ACKR5: variants seen among roughly 807,000 people sequenced by gnomAD.
The protein encoded by ACKR5 is atypical chemokine receptor 5, also known as G protein-coupled receptor 182.
the ACKR5 span, chr12:56,995,144 A>G: frequency 6.8e-7 from 1 of 1,472,552 alleles, no homozygotes; most frequent in Non-Finnish European, 9.3e-7. This position sits in a 1 kb window ranked among gnomAD's most constrained non-coding sequence, Gnocchi z 4.7. Context: ...TTGAGGACAC[A>G]AGGCTCTCGA....
chr12:56,995,325 C>T, the ACKR5 span: 1 of 1,614,252 alleles, frequency 6.2e-7, no homozygotes, highest in African/African-American at 1.3e-5. This position sits in a 1 kb window ranked among gnomAD's most constrained non-coding sequence, Gnocchi z 4.7. Context: ...TTCAACCACA[C>T]TTTGTCTGAG....
At chr12:56,996,771 C>A in the ACKR5 span, 1 of 229,384 alleles carries the variant, frequency 4.4e-6, no homozygotes, top group Non-Finnish European at 8.5e-6. Context: ...GGAAACTAGA[C>A]ACATTCATTT....
the ACKR5 span, chr12:56,997,372 G>C: frequency 6.6e-6 from 1 of 152,232 alleles, no homozygotes; most frequent in South Asian, 2.1e-4. Context: ...CTCTGTCCCC[G>C]GCACCAGATG....
the ACKR5 span, chr12:56,995,900 T>C: frequency 6.2e-7 from 1 of 1,612,552 alleles, no homozygotes; most frequent in Non-Finnish European, 8.5e-7. The surrounding 1 kb of genome is among the most constrained non-coding windows in gnomAD (Gnocchi z 4.7). Context: ...CCTGCTGCCC[T>C]TCCCTCTCAT....
At chr12:56,997,228 C>T in the ACKR5 span, 5 of 152,474 alleles carry the variant, frequency 3.3e-5, no homozygotes, top group East Asian at 9.6e-4. Context: ...TAGGGAGACA[C>T]AGAGCTACCA....
chr12:56,998,658 C>T, the ACKR5 span, among the ~76,000 whole-genome samples: 3 of 152,290 alleles, frequency 2.0e-5, no homozygotes, highest in East Asian at 3.9e-4. Flanking sequence ...TAATTTCCCA[C>T]TAAAAACAGG....
the ACKR5 span, chr12:56,996,741 C>A: frequency 1.0e-5 from 3 of 300,536 alleles, no homozygotes; most frequent in East Asian, 6.3e-5. Flanking sequence ...GGAGCTGAGG[C>A]TAAAGAGGTG....
At chr12:56,998,044 C>T in the ACKR5 span, 1 of 152,198 alleles carries the variant, frequency 6.6e-6, no homozygotes, top group Non-Finnish European at 1.5e-5. Flanking sequence ...CCTATCAATG[C>T]AGAATTCACA....
chr12:56,998,077 G>A, the ACKR5 span: 1 of 152,198 alleles, frequency 6.6e-6, no homozygotes, highest in Admixed American at 6.5e-5. Context: ...TTCCTCTCTT[G>A]TCCCAACACA....
chr12:56,995,377 C>T, the ACKR5 span: 2 of 1,614,254 alleles, frequency 1.2e-6, no homozygotes, highest in Non-Finnish European at 1.7e-6. The surrounding 1 kb of genome is among the most constrained non-coding windows in gnomAD (Gnocchi z 4.7). Context: ...GCGTGGTCCT[C>T]TTTGCCCTCT....
chr12:56,997,739 T>C, the ACKR5 span: 2 of 152,260 alleles, frequency 1.3e-5, no homozygotes, highest in Non-Finnish European at 2.9e-5. Flanking sequence ...TCCTCTGTCC[T>C]GCTTAAGTGC....
chr12:56,996,291 T>G, the ACKR5 span: 1 of 1,614,088 alleles, frequency 6.2e-7, no homozygotes, highest in Non-Finnish European at 8.5e-7. Context: ...CAGCATTCCA[T>G]CATCATCACC....
the ACKR5 span, chr12:56,994,644 C>G: frequency 6.4e-6 from 1 of 155,040 alleles, no homozygotes; most frequent in African/African-American, 2.4e-5. Context: ...CCAAGGGAAA[C>G]TCAGGTGAGT....
At chr12:56,995,512 C>T in the ACKR5 span, 1 of 1,614,126 alleles carries the variant, frequency 6.2e-7, no homozygotes, top group Non-Finnish European at 8.5e-7. The surrounding 1 kb of genome is among the most constrained non-coding windows in gnomAD (Gnocchi z 4.7). Context: ...CGGACCTGGG[C>T]ATTGTCCTGT....
the ACKR5 span, chr12:56,996,525 G>A: frequency 1.9e-6 from 2 of 1,055,948 alleles, no homozygotes; most frequent in Non-Finnish European, 2.7e-6. Context: ...AGCACTCGTG[G>A]TCAATTTTGA....
chr12:56,996,040 C>T, the ACKR5 span: 9 of 1,610,996 alleles, frequency 5.6e-6, no homozygotes, highest in Non-Finnish European at 7.6e-6. Flanking sequence ...ATCATGTGAC[C>T]CTGCTGCTGC....
chr12:56,997,593 C>A, the ACKR5 span: 1 of 152,172 alleles, frequency 6.6e-6, no homozygotes, highest in African/African-American at 2.4e-5. Flanking sequence ...AGACTAGGAC[C>A]CTGTCCATGA....
chr12:56,995,467 G>A, the ACKR5 span: 3 of 1,614,198 alleles, frequency 1.9e-6, no homozygotes, highest in Non-Finnish European at 2.5e-6. The surrounding 1 kb of genome is among the most constrained non-coding windows in gnomAD (Gnocchi z 4.7). Context: ...GCCGGGCAGG[G>A]CTGATGAACC....
the ACKR5 span, chr12:56,996,795 G>C: frequency 5.6e-5 from 11 of 195,806 alleles, no homozygotes; most frequent in East Asian, 1.4e-4. Context: ...AAATCACTCT[G>C]GCTGGAAACA....
Sources: gnomAD v4.1 joint callset for allele counts (sites outside exome capture counted in the v4.1 genomes callset) on GRCh38, gnomAD v4.1.1 for gene constraint, Gnocchi (gnomAD v3.1) non-coding constraint, MANE v1.5 for transcripts, NCBI Gene and HGNC (gene_info 2026-07-23, HGNC 2026-07-21) for gene names.